Variants in MGAT4C observed in about 807,000 individuals in gnomAD.
MGAT4C encodes MGAT4 family member C.
Under a neutral mutation model 40.1 loss-of-function variants are expected in MGAT4C, and 19 were observed. That is an observed-to-expected ratio of 0.47 (90% CI 0.33 to 0.70). MGAT4C has a LOEUF of 0.70. Among genes scored for constraint, MGAT4C ranks in the 30% least tolerant of loss-of-function variants. The probability of loss-of-function intolerance (pLI) is 0.02; values close to 1 mark genes in which losing one functional copy is unlikely to be tolerated. For missense variants in MGAT4C, 491 were observed against 563.2 expected (o/e 0.87, Z 1.30); for synonymous variants, 181 against 187.1 (o/e 0.97, Z 0.27).
intron 2 of MGAT4C, among the ~76,000 whole-genome samples, chr12:86,452,254 C>T (rs866697326): frequency 6.6e-6 from 1 of 151,170 alleles, no homozygotes; most frequent in Admixed American, 6.6e-5. Flanking sequence ...ATGTGCACAA[C>T]GTGCAGGTTT....
chr12:86,004,701 A>G (rs1021535686), intron 2 of MGAT4C, among the ~76,000 whole-genome samples: 4 of 152,168 alleles, frequency 2.6e-5, no homozygotes, highest in Non-Finnish European at 5.9e-5. Flanking sequence ...TTTGTTTGAC[A>G]GTTTGTTGGT....
Position 85,957,213 on chromosome 12 carries a change from A to C in MGAT4C, c.*22076T>G, listed in dbSNP as rs1882839868. ...GGGCTAAAAGCAGGAAGTTGAGGAA[A>C]GTTTATGTTTAATTTTTATTTTATT... On this transcript the variant is annotated 3_prime_UTR_variant, in exon 5 of 5. Transcript: ENST00000611864. The C allele has an allele frequency of 6.6e-6, 1 of 152,204 alleles. No individual in the cohort carries two copies. The highest frequency in any genetic ancestry group is 6.5e-5 in the Admixed American group (1 of 15,274). The allele number at this position is 152,204 out of a possible 1,614,324, so 9.4% of individuals were successfully genotyped here.
At chr12:86,542,842 A>G (rs893040805) in intron 2 of MGAT4C, among the ~76,000 whole-genome samples, 7 of 152,216 alleles carry the variant, frequency 4.6e-5, no homozygotes, top group African/African-American at 1.7e-4. Context: ...TAATAAATTT[A>G]CTAATGCATC....
At chr12:86,143,947 A>G (rs541209836) in intron 1 of MGAT4C, among the ~76,000 whole-genome samples, 1 of 152,266 alleles carries the variant, frequency 6.6e-6, no homozygotes, top group East Asian at 1.9e-4. Context: ...CTTTTCCAAG[A>G]TGGGAATAAT....
At chr12:86,758,578 A>G (rs1047271027) in intron 1 of MGAT4C, among the ~76,000 whole-genome samples, 2 of 152,070 alleles carry the variant, frequency 1.3e-5, no homozygotes, top group Non-Finnish European at 2.9e-5. Context: ...AATTTCTTAT[A>G]TTATTCAGAT....
intron 3 of MGAT4C, among the ~76,000 whole-genome samples, chr12:86,374,687 T>C (rs762470081): frequency 6.6e-6 from 1 of 152,158 alleles, no homozygotes; most frequent in East Asian, 1.9e-4. Flanking sequence ...CCACAGCTTA[T>C]GCTTCACCAT....
intron 1 of MGAT4C, among the ~76,000 whole-genome samples, chr12:86,735,316 T>C (rs147421732): frequency 0.01 from 1,575 of 152,000 alleles, 18 homozygotes; most frequent in Middle Eastern, 0.021. Context: ...TCATTTGTGA[T>C]GATGGTAGCT....
At chr12:86,122,953 T>A (rs1323903530) in intron 1 of MGAT4C, among the ~76,000 whole-genome samples, 1 of 152,160 alleles carries the variant, frequency 6.6e-6, no homozygotes, top group African/African-American at 2.4e-5. Context: ...ATAGCGGCAT[T>A]AAAATATATA....
intron 1 of MGAT4C, among the ~76,000 whole-genome samples, chr12:86,067,891 A>G (rs1314041618): frequency 6.6e-6 from 1 of 152,206 alleles, no homozygotes; most frequent in African/African-American, 2.4e-5. Context: ...TGACATGCAG[A>G]GCAAGAGTTG....
chr12:86,325,129 T>C (rs1327034487), intron 4 of MGAT4C, among the ~76,000 whole-genome samples: 1 of 152,140 alleles, frequency 6.6e-6, no homozygotes, highest in Non-Finnish European at 1.5e-5. Context: ...ATCAATTCTA[T>C]ATATGTTATT....
At chr12:86,498,087 T>C (rs1958275022) in intron 2 of MGAT4C, among the ~76,000 whole-genome samples, 1 of 150,750 alleles carries the variant, frequency 6.6e-6, no homozygotes, top group Admixed American at 6.7e-5. Context: ...AGTAGATTTT[T>C]GTTTGTATTT....
chr12:86,828,205 C>T (rs1375123737), intron 1 of MGAT4C, among the ~76,000 whole-genome samples: 2 of 150,628 alleles, frequency 1.3e-5, no homozygotes, highest in South Asian at 2.1e-4. Context: ...ATAGTTTATT[C>T]AATCAGAAAA....
chr12:86,535,865 T>G (rs562229834), intron 2 of MGAT4C, among the ~76,000 whole-genome samples: 1 of 152,198 alleles, frequency 6.6e-6, no homozygotes, highest in Non-Finnish European at 1.5e-5. Context: ...TGTATGAAAG[T>G]TTGAATTCAA....
At chr12:86,300,472 T>C (rs1017236855) in intron 4 of MGAT4C, among the ~76,000 whole-genome samples, 5 of 152,098 alleles carry the variant, frequency 3.3e-5, no homozygotes, top group African/African-American at 1.2e-4. Flanking sequence ...TCTAGGTATA[T>C]ATAGAGTACA....
chr12:86,378,549 A>G (rs1291258668), intron 3 of MGAT4C, among the ~76,000 whole-genome samples: 1 of 152,152 alleles, frequency 6.6e-6, no homozygotes, highest in African/African-American at 2.4e-5. Context: ...TCATTTTAAC[A>G]TTATTTTATC....
chr12:86,417,018 C>T (rs893088540), intron 3 of MGAT4C, among the ~76,000 whole-genome samples: 2 of 152,010 alleles, frequency 1.3e-5, no homozygotes, highest in Non-Finnish European at 1.5e-5. Context: ...TGAGACAATA[C>T]ATTTCTATTT....
At chr12:86,071,848 T>C (rs1383101962) in intron 1 of MGAT4C, among the ~76,000 whole-genome samples, 1 of 152,158 alleles carries the variant, frequency 6.6e-6, no homozygotes, top group Non-Finnish European at 1.5e-5. Context: ...TCAGTGTTCT[T>C]AACTAGGGTA....
chr12:86,040,880 A>G (rs1891759365), intron 2 of MGAT4C, among the ~76,000 whole-genome samples: 2 of 152,186 alleles, frequency 1.3e-5, no homozygotes, highest in East Asian at 1.9e-4. Context: ...AAAGCACAGT[A>G]TCTGGGCCGG....
intron 2 of MGAT4C, among the ~76,000 whole-genome samples, chr12:86,588,172 T>A (rs1327086426): frequency 1.3e-5 from 2 of 151,678 alleles, no homozygotes; most frequent in African/African-American, 2.4e-5. Flanking sequence ...TTGTTGAATT[T>A]TGTCAAAGGC....
Sources: allele counts gnomAD v4.1 joint callset (sites outside exome capture counted in the v4.1 genomes callset), GRCh38; gene constraint gnomAD v4.1.1; transcripts MANE v1.5; gene names NCBI Gene and HGNC (gene_info 2026-07-23, HGNC 2026-07-21).